Variants in CEL observed in about 807,000 individuals in gnomAD.
CEL encodes the protein carboxyl ester lipase.
Under a neutral mutation model 57.1 loss-of-function variants are expected in CEL, and 39 were observed. That is an observed-to-expected ratio of 0.68 (90% CI 0.53 to 0.89). CEL has a LOEUF of 0.89. CEL is among the 40% of genes least tolerant of loss of function. The pLI is 0.00. For missense variants in CEL, 698 were observed against 915.0 expected (o/e 0.76, Z 3.06); for synonymous variants, 314 against 396.6 (o/e 0.79, Z 2.48).
At chr9:133,063,066 T>C (rs1254125223) in intron 1 of CEL, among the ~76,000 whole-genome samples, 1 of 151,786 alleles carries the variant, frequency 6.6e-6, no homozygotes, top group Non-Finnish European at 1.5e-5. Flanking sequence ...AACCACGCTG[T>C]TCTGCCGCCT....
chr9:133,071,654 G>C lies in CEL; in HGVS notation c.2152G>C (p.Gly718Arg), dbSNP rs779096697. The C allele has an allele frequency of 1.3e-5, 20 of 1,577,360 alleles. No individual in the cohort carries two copies. Among genetic ancestry groups the C allele is most frequent in the Middle Eastern group, 1.7e-4 (1 of 5,890 alleles). ...CGAGACCGCCCCCGTGCCGCCCACG[G>C]GTGACTCCGGGGCCCCCCCTGTGCC... is the stretch of plus-strand genomic sequence containing the variant. ...DSETAPVPPTGDSGAPPVPPT... is the reference protein window; with the variant it reads ...DSETAPVPPTRDSGAPPVPPT... The change falls in exon 11 of 11, where the codon GGT becomes CGT. Residue 718 changes from glycine to arginine, a missense_variant. Physicochemically the swap from Gly to Arg is moderately radical, Grantham distance 125. Coordinates refer to ENST00000372080, the MANE Select transcript of CEL (RefSeq NM_001807.6).
intron 9 of CEL, among the ~76,000 whole-genome samples, chr9:133,069,886 G>C (rs1199181044): frequency 6.6e-6 from 1 of 152,042 alleles, no homozygotes; most frequent in Non-Finnish European, 1.5e-5. Context: ...TAGCAGAATT[G>C]ATTGACCCAG....
At chr9:133,063,728 G>T (rs1018263866) in intron 1 of CEL, among the ~76,000 whole-genome samples, 1 of 152,186 alleles carries the variant, frequency 6.6e-6, no homozygotes. Flanking sequence ...GCCCCTCGTG[G>T]GGGTGGACAG....
chr9:133,066,569 G>A lies in CEL; in HGVS notation c.578G>A (p.Trp193Ter), dbSNP rs1405435458. 1.9e-6 allele frequency: 3 copies of A among 1,613,884 alleles called. No individual in the cohort carries two copies. Among genetic ancestry groups the A allele is most frequent in the Non-Finnish European group, 2.5e-6 (3 of 1,180,024 alleles). ...CGGGATCAGCACATGGCCATTGCTT[G>A]GGTGAAGAGGAATATCGCGGCCTTC... ...GLRDQHMAIA[W>*]VKRNIAAFGG... Residue 193 changes from tryptophan (W) to a stop codon, truncating the protein, a stop_gained, in exon 5 of 11, where the codon TGG (tryptophan) becomes TAG (stop). Transcript: ENST00000372080. LOFTEE classifies it high-confidence loss of function. The surrounding 1 kb of genome is among the most constrained non-coding windows in gnomAD (Gnocchi z 4.3).
intron 1 of CEL, among the ~76,000 whole-genome samples, chr9:133,063,165 G>A (rs1257759425): frequency 6.6e-6 from 1 of 152,240 alleles, no homozygotes; most frequent in Non-Finnish European, 1.5e-5. Context: ...GGTTTGGGCA[G>A]TGGTCCTGGG....
intron 7 of CEL, among the ~76,000 whole-genome samples, chr9:133,067,918 C>T (rs1319317191): frequency 6.6e-6 from 1 of 152,186 alleles, no homozygotes; most frequent in African/African-American, 2.4e-5. Context: ...TATTCTGTAC[C>T]CCGGGAAGGC....
rs371892814 is a variant in CEL, at chr9:133,070,509, C to T, written c.1335C>T (p.Pro445=). Reference sequence around the variant, plus strand: ...TGTTTTCCCATCCCTCTCGGATGCCCGTCTACCCCAAATGGGTGGGGGCCG... The same window carrying T: ...TGTTTTCCCATCCCTCTCGGATGCCTGTCTACCCCAAATGGGTGGGGGCCG... The part of the protein sequence containing the change: ...AYLFSHPSRM[P]VYPKWVGADH... The change falls in exon 10 of 11, where the codon CCC becomes CCT. Residue 445 remains proline (P), a synonymous_variant. Transcript: ENST00000372080. 1.0e-4 allele frequency: 169 copies of T among 1,613,902 alleles called. No homozygotes were observed. The African/African-American group carries it at 1.9e-3, about 18-fold the overall frequency.
At chr9:133,063,096 G>A (rs1355580500) in intron 1 of CEL, among the ~76,000 whole-genome samples, 56 of 152,026 alleles carry the variant, frequency 3.7e-4, no homozygotes, top group African/African-American at 1.3e-3. Flanking sequence ...CAGGCCCTGG[G>A]GACTCCTGTC....
intron 7 of CEL, among the ~76,000 whole-genome samples, chr9:133,067,850 C>T (rs1588490651): frequency 6.6e-6 from 1 of 152,272 alleles, no homozygotes; most frequent in Non-Finnish European, 1.5e-5. Flanking sequence ...TTCATTCGTT[C>T]ATTCATTCAG....
At position 133,065,218 on chromosome 9, in the gene CEL, T is replaced by C. The variant is rs1210415520; in HGVS notation, c.519T>C (p.Thr173=). 3 of 1,613,272 alleles carry C rather than the reference T, an allele frequency of 1.9e-6. No homozygotes were observed. The highest frequency in any genetic ancestry group is 2.5e-6 in the Non-Finnish European group (3 of 1,180,006). ...TCGGCCCCCTTGGGTTCCTCAGCAC[T>C]GGGGACGCCAATCTGCCAGGTGCGT... ...YRVGPLGFLS[T]GDANLPGNYG... Residue 173 remains threonine (T), a synonymous_variant, in exon 4 of 11, where the codon ACT becomes ACC. Transcript: ENST00000372080.
At chr9:133,064,842 C>A in intron 3 of CEL, 80 bp downstream of exon 3, 2 of 1,600,926 alleles carry the variant, frequency 1.2e-6, no homozygotes, top group Non-Finnish European at 1.7e-6. Context: ...AGTCTGGGGG[C>A]TGCAAAGCTG....
intron 2 of CEL, 37 bp downstream of exon 2, chr9:133,064,591 G>C (rs1248092593): frequency 3.7e-6 from 6 of 1,613,734 alleles, no homozygotes; most frequent in Non-Finnish European, 5.1e-6. Flanking sequence ...CCTGCGGCGG[G>C]GCGGGTGAGG....
chr9:133,066,422 C>G lies in CEL; in HGVS notation c.539-108C>G. 6.9e-7 allele frequency: 1 copy of G among 1,446,360 alleles called. No individual in the cohort carries two copies. The highest frequency in any genetic ancestry group is 9.6e-7 in the Non-Finnish European group (1 of 1,043,238). 89.6% of individuals were successfully genotyped at this position (1,446,360 alleles called of 1,614,324 possible). On this transcript the variant is annotated intron_variant, in intron 4 of 10. Transcript: ENST00000372080. The surrounding 1 kb of genome is among the most constrained non-coding windows in gnomAD (Gnocchi z 4.3). ...TTTGCCAACTGGGGCTCTGCCATGG[C>G]CCCAACTCTGTTGAGGGCATTTCCA...
chr9:133,067,048 T>G (rs1830189653), intron 6 of CEL, 40 bp from the exon 7 acceptor site: 1 of 1,611,404 alleles, frequency 6.2e-7, no homozygotes, highest in Non-Finnish European at 8.5e-7. Context: ...AGCCCTGAGC[T>G]CCGGCCTCAC....
chr9:133,071,818 C>T lies in CEL; in HGVS notation c.*54C>T, dbSNP rs1830282753. 3.3e-6 allele frequency: 5 copies of T among 1,512,362 alleles called. No individual in the cohort carries two copies. Among genetic ancestry groups the T allele is most frequent in the South Asian group, 1.1e-5 (1 of 88,346 alleles). The allele number at this position is 1,512,362 out of a possible 1,614,324, so 93.7% of individuals were successfully genotyped here. On this transcript the variant is annotated 3_prime_UTR_variant, in exon 11 of 11. Transcript: ENST00000372080. ...CACAAGAGTGGGACCCCAGGGGCTCCCCTCCCATCTTGAGCTCTTCCTGAA... is the reference window on the plus strand; with the variant it reads ...CACAAGAGTGGGACCCCAGGGGCTCTCCTCCCATCTTGAGCTCTTCCTGAA...
At chr9:133,064,931 G>T in intron 3 of CEL, 109 bp from the exon 4 acceptor site, 8 of 1,542,978 alleles carry the variant, frequency 5.2e-6, no homozygotes, top group Non-Finnish European at 6.2e-6. Flanking sequence ...CAGCGCCTTG[G>T]AGCACCTCCC....
chr9:133,070,342 C>T, intron 9 of CEL, 119 bp from the exon 10 acceptor site: 1 of 807,176 alleles, frequency 1.2e-6, no homozygotes, highest in South Asian at 1.6e-5. Flanking sequence ...CCCATCTCTT[C>T]ATGTGAATTC....
Position 133,066,190 on chromosome 9 carries a change from T to C in CEL, c.539-340T>C, listed in dbSNP as rs1280206025. On this transcript the variant is annotated intron_variant, in intron 4 of 10. Coordinates refer to ENST00000372080, the MANE Select transcript of CEL (RefSeq NM_001807.6). The surrounding 1 kb of genome is among the most constrained non-coding windows in gnomAD (Gnocchi z 4.3). ...GGGACTGGGGCAGGGGCAGGAGAGG[T>C]GCATGGGCCTGACCATCCTGCCCCC... 6.6e-6 allele frequency among the ~76,000 whole-genome samples: 1 copy of C among 151,462 alleles called. No individual in the cohort carries two copies. Among genetic ancestry groups the C allele is most frequent in the Admixed American group, 6.6e-5 (1 of 15,230 alleles).
intron 7 of CEL, 101 bp from the exon 8 acceptor site, chr9:133,068,571 G>A: frequency 2.6e-6 from 4 of 1,529,092 alleles, no homozygotes; most frequent in South Asian, 1.2e-5. Flanking sequence ...ATAGATCAGA[G>A]AAGGGAGGAC....
Sources: allele counts gnomAD v4.1 joint callset (sites outside exome capture counted in the v4.1 genomes callset), GRCh38; gene constraint gnomAD v4.1.1; non-coding constraint Gnocchi (gnomAD v3.1); transcripts MANE v1.5; gene names NCBI Gene and HGNC (gene_info 2026-07-23, HGNC 2026-07-21).